The following PDE4D variants were observed in gnomAD, a reference collection of about 807,000 sequenced individuals.
PDE4D encodes phosphodiesterase 4D.
PDE4D carries 24 observed loss-of-function variants against 87.4 expected under a neutral mutation model. The ratio of observed to expected loss-of-function variants is 0.27; its 90% CI spans 0.20 to 0.39. The LOEUF (loss-of-function observed/expected upper bound fraction) is 0.39, where lower values mean the gene tolerates loss of function less well. Ranked by LOEUF, PDE4D falls within the 10% of genes least tolerant of loss-of-function variation. The probability of loss-of-function intolerance (pLI) is 1.00; values close to 1 mark genes in which losing one functional copy is unlikely to be tolerated. For missense variants in PDE4D, 714 were observed against 1,041.0 expected, an observed-to-expected ratio of 0.69 and a Z score of 4.32; for synonymous variants, 384 against 383.2, an observed-to-expected ratio of 1.00 and a Z score of -0.02.
intron 1 of PDE4D, among the ~76,000 whole-genome samples, chr5:59,263,522 C>G (rs1391418153): frequency 6.6e-6 from 1 of 151,860 alleles, no homozygotes. Flanking sequence ...AAAATGACAA[C>G]AGTTTAAAAT....
chr5:59,913,982 C>A (rs1753718499), intron 3 of PDE4D, among the ~76,000 whole-genome samples: 1 of 152,014 alleles, frequency 6.6e-6, no homozygotes, highest in South Asian at 2.1e-4. Flanking sequence ...TCTATTTCAC[C>A]TTCTTAAATA....
At chr5:60,423,699 G>T (rs991386276) in intron 1 of PDE4D, among the ~76,000 whole-genome samples, 1 of 151,766 alleles carries the variant, frequency 6.6e-6, no homozygotes, top group Non-Finnish European at 1.5e-5. Flanking sequence ...AAGATCAGAG[G>T]AGAACTGAAG....
At chr5:59,867,796 T>G (rs558806592) in intron 1 of PDE4D, among the ~76,000 whole-genome samples, 1 of 152,276 alleles carries the variant, frequency 6.6e-6, no homozygotes, top group East Asian at 1.9e-4. Context: ...TCAATCTCCT[T>G]GCTATATCAT....
intron 1 of PDE4D, among the ~76,000 whole-genome samples, chr5:60,297,577 G>C (rs1753522008): frequency 6.6e-6 from 1 of 152,058 alleles, no homozygotes; most frequent in Non-Finnish European, 1.5e-5. Context: ...TCAATCTTCT[G>C]GGAGAAATTT....
chr5:59,530,358 G>C (rs961327883), intron 1 of PDE4D, among the ~76,000 whole-genome samples: 1 of 152,058 alleles, frequency 6.6e-6, no homozygotes, highest in Non-Finnish European at 1.5e-5. Context: ...AGATTACAGT[G>C]GTCCCTCAGG....
chr5:60,125,818 T>C (rs2149387601), intron 2 of PDE4D, among the ~76,000 whole-genome samples: 1 of 152,340 alleles, frequency 6.6e-6, no homozygotes, highest in Middle Eastern at 3.4e-3. Context: ...GCTCACCTTA[T>C]CTTGGCTCTC....
intron 1 of PDE4D, among the ~76,000 whole-genome samples, chr5:60,347,466 T>A (rs1758830714): frequency 6.6e-6 from 1 of 152,122 alleles, no homozygotes; most frequent in Non-Finnish European, 1.5e-5. Flanking sequence ...CTTTAAAAGA[T>A]CACCCTGACT....
chr5:59,423,773 G>A (rs1794808566), intron 1 of PDE4D, among the ~76,000 whole-genome samples: 1 of 151,004 alleles, frequency 6.6e-6, no homozygotes, highest in Non-Finnish European at 1.5e-5. Flanking sequence ...CAAGGATGCA[G>A]AGATGTGGAA....
upstream of PDE4D, among the ~76,000 whole-genome samples, chr5:59,896,602 A>C (rs1751684101): frequency 6.6e-6 from 1 of 152,224 alleles, no homozygotes; most frequent in Non-Finnish European, 1.5e-5. Context: ...GGATCAAGGC[A>C]TCGGCATTTT....
At chr5:59,991,922 T>G (rs1246512317) in intron 2 of PDE4D, among the ~76,000 whole-genome samples, 1 of 152,164 alleles carries the variant, frequency 6.6e-6, no homozygotes, top group Non-Finnish European at 1.5e-5. Flanking sequence ...GTGAGGGTGT[T>G]ACCAAAGAAG....
intron 1 of PDE4D, chr5:59,703,763 G>A (rs1039840588): frequency 8.1e-6 from 3 of 369,970 alleles, no homozygotes; most frequent in Admixed American, 7.5e-5. Flanking sequence ...GGCTCTGTCT[G>A]TCCTCTTCAA....
intron 1 of PDE4D, among the ~76,000 whole-genome samples, chr5:60,238,881 C>G (rs1746745499): frequency 6.6e-6 from 1 of 151,774 alleles, no homozygotes; most frequent in Non-Finnish European, 1.5e-5. Flanking sequence ...TATAGTTTGT[C>G]TTTTAACCCA....
intron 2 of PDE4D, among the ~76,000 whole-genome samples, chr5:60,083,136 A>G (rs560205146): frequency 1.3e-5 from 2 of 152,320 alleles, no homozygotes; most frequent in African/African-American, 4.8e-5. Flanking sequence ...AAAAGAAGTG[A>G]TCAGGCTCAT....
At chr5:59,568,454 G>T (rs571085773) in intron 1 of PDE4D, among the ~76,000 whole-genome samples, 32 of 152,184 alleles carry the variant, frequency 2.1e-4, no homozygotes, top group African/African-American at 7.5e-4. Context: ...CCTCTTAAGT[G>T]TGGGTTGTTT....
At chr5:59,200,761 C>T (rs79073248) in intron 2 of PDE4D, among the ~76,000 whole-genome samples, 1 of 149,658 alleles carries the variant, frequency 6.7e-6, no homozygotes, top group Non-Finnish European at 1.5e-5. Context: ...ATATGAAGTA[C>T]ATGCATACAT....
chr5:59,433,582 C>G (rs1041766080), intron 1 of PDE4D, among the ~76,000 whole-genome samples: 2 of 151,996 alleles, frequency 1.3e-5, no homozygotes, highest in Non-Finnish European at 2.9e-5. Context: ...TTAATTTCAT[C>G]TAAAGATTAG....
intron 1 of PDE4D, among the ~76,000 whole-genome samples, chr5:59,848,645 T>G (rs1744228349): frequency 1.3e-5 from 2 of 151,978 alleles, no homozygotes; most frequent in South Asian, 2.1e-4. Context: ...ATAACGGTAT[T>G]AAGAGTGAGT....
chr5:60,119,216 T>C (rs1448662251), intron 2 of PDE4D, among the ~76,000 whole-genome samples: 1 of 152,148 alleles, frequency 6.6e-6, no homozygotes, highest in Non-Finnish European at 1.5e-5. Flanking sequence ...GTTCCACCTG[T>C]GATTGAGAGG....
At chr5:60,400,697 C>T (rs1364606060) in intron 1 of PDE4D, among the ~76,000 whole-genome samples, 1 of 151,786 alleles carries the variant, frequency 6.6e-6, no homozygotes. Flanking sequence ...TTTGGGAGGC[C>T]GAGTTGGGTG....
Sources: allele counts gnomAD v4.1 joint callset (sites outside exome capture counted in the v4.1 genomes callset), GRCh38; gene constraint gnomAD v4.1.1; transcripts MANE v1.5; gene names NCBI Gene and HGNC (gene_info 2026-07-23, HGNC 2026-07-21).